CMTR2: variants seen among roughly 807,000 people sequenced by gnomAD.
CMTR2 encodes cap methyltransferase 2.
In CMTR2, 40 loss-of-function variants were observed where a neutral mutation model predicts 49.8. That is an observed-to-expected ratio of 0.80 (90% CI 0.62 to 1.04). CMTR2 has a LOEUF of 1.04. CMTR2 is among the 50% of genes least tolerant of loss of function. The probability of loss-of-function intolerance (pLI) is 0.00; values close to 1 mark genes in which losing one functional copy is unlikely to be tolerated. For missense variants in CMTR2, 907 were observed against 897.2 expected, an observed-to-expected ratio of 1.01 and a Z score of -0.14; for synonymous variants, 326 against 315.8, an observed-to-expected ratio of 1.03 and a Z score of -0.34.
rs1339377645 is a variant in CMTR2, at chr16:71,285,235, AC to A, written c.685del (p.Val229PhefsTer22). The A allele has an allele frequency of 6.2e-7, 1 of 1,613,706 alleles. No individual in the cohort carries two copies. Among genetic ancestry groups the A allele is most frequent in the African/African-American group, 1.3e-5 (1 of 74,916 alleles). On this transcript the variant is annotated frameshift_variant, in exon 3 of 3. Transcript: ENST00000434935. LOFTEE classifies it high-confidence loss of function. ...ACTCCCATCTGCAGTGACCAAGTGA[AC>A]AGTAGCCATGCTGCTTATGAAATTC... ...LQNFISSMAT[V>X]HLVTADGSFD...
chr16:71,287,634 C>G (rs935811753), intron 2 of CMTR2: 1 of 152,222 alleles, frequency 6.6e-6, no homozygotes, highest in African/African-American at 2.4e-5. Flanking sequence ...GGGTCTTGCT[C>G]TGTTGCCCAG....
Position 71,284,862 on chromosome 16 carries a change from A to G in CMTR2, c.1059T>C (p.Pro353=), listed in dbSNP as rs752273251. ...RKALFPHHVI[P]DSFLKRHEEC... is the part of the protein sequence containing the mutation. Reference sequence around the variant, plus strand: ...CTTCATGTCTCTTAAGAAAAGAATCAGGAATCACATGATGGGGAAAAAGGG... The same window carrying G: ...CTTCATGTCTCTTAAGAAAAGAATCGGGAATCACATGATGGGGAAAAAGGG... The change falls in exon 3 of 3, where the codon CCT becomes CCC. Residue 353 remains proline, a synonymous_variant. Transcript: ENST00000434935. 3.7e-6 allele frequency: 6 copies of G among 1,613,864 alleles called. No homozygotes were observed. The African/African-American group carries it at 6.7e-5, about 18-fold the overall frequency.
At position 71,281,667 on chromosome 16, in the gene CMTR2, A is replaced by G. The variant is rs1382883209; in HGVS notation, c.*1941T>C. On this transcript the variant is annotated 3_prime_UTR_variant, in exon 3 of 3. Coordinates refer to ENST00000434935, the MANE Select transcript of CMTR2 (RefSeq NM_018348.6). ...TAACCTCTAAAGCAATTTGAATCCA[A>G]TGAATCAGATGAGCAATTGATTCCA... 1 of 151,976 alleles carries G rather than the reference A, an allele frequency of 6.6e-6. No individual in the cohort carries two copies. Among genetic ancestry groups the G allele is most frequent in the African/African-American group, 2.4e-5 (1 of 41,436 alleles). The allele number at this position is 151,976 out of a possible 1,614,324, so 9.4% of individuals were successfully genotyped here. A position where few individuals can be genotyped will look rare whatever the true frequency, so the allele number is the denominator to read the frequency against.
rs2041697290 is a variant in CMTR2 at position 71,285,183 on chromosome 16, T to C, written c.738A>G (p.Glu246=). 6.2e-7 allele frequency: 1 copy of C among 1,613,964 alleles called. No individual in the cohort carries two copies. Among genetic ancestry groups the C allele is most frequent in the Admixed American group, 1.7e-5 (1 of 60,008 alleles). The change falls in exon 3 of 3, where the codon GAA becomes GAG. Residue 246 remains glutamate (E), a synonymous_variant. Transcript: ENST00000434935. ...GSFDCQGNPG[E]QEALVSSLHY... is the part of the protein sequence containing the mutation. ...GCAAAGAAGAAACTAAAGCTTCTTG[T>C]TCACCTGGGTTTCCTTGGCAATCAA...
Position 71,283,818 on chromosome 16 carries a change from A to G in CMTR2, c.2103T>C (p.Tyr701=), listed in dbSNP as rs142245314. The G allele has an allele frequency of 6.8e-5, 110 of 1,613,962 alleles. No homozygotes were observed. The highest frequency in any genetic ancestry group is 1.7e-6 in the Non-Finnish European group (2 of 1,179,944). ...YQDLPNPVFR[Y]LQSVNELLST... ...TCAACAATTCATTCACACTCTGCAA[A>G]TATCGGAAAACTGGATTTGGAAGGT... The change falls in exon 3 of 3, where the codon TAT becomes TAC. Residue 701 remains tyrosine, a synonymous_variant. Transcript: ENST00000434935.
chr16:71,285,263 G>T lies in CMTR2; in HGVS notation c.658C>A (p.Gln220Lys), dbSNP rs1316352410. 1 of 1,613,898 alleles carries T rather than the reference G, an allele frequency of 6.2e-7. No homozygotes were observed. The highest frequency in any genetic ancestry group is 2.2e-5 in the East Asian group (1 of 44,890). The change falls in exon 3 of 3, where the codon CAG becomes AAG. Residue 220 changes from glutamine (Q) to lysine (K), a missense_variant. By Grantham distance (53) the Gln-to-Lys change is moderately conservative. Transcript: ENST00000434935. ...IMTLKFLTGL[Q>K]NFISSMATVH... ...GTAGCCATGCTGCTTATGAAATTCTGAAGTCCAGTCAAGAATTTCAGGGTC... is the reference window on the plus strand; with the variant it reads ...GTAGCCATGCTGCTTATGAAATTCTTAAGTCCAGTCAAGAATTTCAGGGTC...
rs1252804384 is a variant in CMTR2 at position 71,285,870 on chromosome 16, T to A, written c.51A>T (p.Ser17=). 2 of 1,612,976 alleles carry A rather than the reference T, an allele frequency of 1.2e-6. No individual in the cohort carries two copies. The highest frequency in any genetic ancestry group is 2.2e-5 in the South Asian group (2 of 90,714). ...TPVQQLASPA[S]FSPDILADIF... ...TGTCAGCAAGAATATCTGGGCTGAA[T>A]GACGCGGGACTTGCTAGCTGCTGAA... Residue 17 remains serine, a synonymous_variant, in exon 3 of 3, where the codon TCA becomes TCT. Coordinates refer to ENST00000434935, the MANE Select transcript of CMTR2 (RefSeq NM_018348.6).
rs3096381 is a variant in CMTR2 at position 71,284,098 on chromosome 16, G to T, written c.1823C>A (p.Thr608Lys). ...EVRLLESAEL[T>K]TFSCSLLHDG... ...ATGAAGCAATGAACAGCTAAAAGTTGTGAGTTCAGCTGATTCTAGGAGTCG... is the reference window on the plus strand; with the variant it reads ...ATGAAGCAATGAACAGCTAAAAGTTTTGAGTTCAGCTGATTCTAGGAGTCG... Residue 608 changes from threonine to lysine, a missense_variant, in exon 3 of 3, where the codon ACA (threonine) becomes AAA (lysine). Transcript: ENST00000434935. 260,285 of 1,613,674 alleles carry T rather than the reference G, an allele frequency of 0.16. 22,495 individuals are homozygous for T. The highest frequency in any genetic ancestry group is 0.2 in the Middle Eastern group (1,229 of 6,060).
At chr16:71,287,458 C>T (rs1339704457) in intron 2 of CMTR2, 1 of 152,142 alleles carries the variant, frequency 6.6e-6, no homozygotes, top group African/African-American at 2.4e-5. Context: ...GAGACAGGGT[C>T]TCACTCTGCT....
chr16:71,288,402 T>A (rs66561786), intron 2 of CMTR2: 20,782 of 152,260 alleles, frequency 0.14, 1,632 homozygotes, highest in East Asian at 0.36. Flanking sequence ...TCTTTTTGTT[T>A]ACTGTTTATT....
In CMTR2 at chr16:71,282,179, T is replaced by G. The variant is rs1351180050; in HGVS notation, c.*1429A>C. 6.6e-6 allele frequency: 1 copy of G among 152,040 alleles called. No homozygotes were observed. The highest frequency in any genetic ancestry group is 2.1e-4 in the South Asian group (1 of 4,832). 9.4% of individuals were successfully genotyped at this position (152,040 alleles called of 1,614,324 possible). A position where few individuals can be genotyped will look rare whatever the true frequency, so the allele number is the denominator to read the frequency against. On this transcript the variant is annotated 3_prime_UTR_variant, in exon 3 of 3. Transcript: ENST00000434935. ...ATATTAAGGACTAAATTTTAATGAA[T>G]GCAAATCAGAGAAAATGAAAGAACA...
chr16:71,283,974 A>C lies in CMTR2; in HGVS notation c.1947T>G (p.Ser649=), dbSNP rs914688615. Residue 649 remains serine, a synonymous_variant, in exon 3 of 3, where the codon TCT becomes TCG. Coordinates refer to ENST00000434935, the MANE Select transcript of CMTR2 (RefSeq NM_018348.6). ...TGDVMILPVL[S]CFTRFMAGLI... is the part of the protein sequence containing the mutation. ...AACCAGCCATAAATCTTGTGAAGCA[A>C]GAAAGTACAGGCAAAATCATAACAT... 6.2e-7 allele frequency: 1 copy of C among 1,613,980 alleles called. No individual in the cohort carries two copies. The highest frequency in any genetic ancestry group is 8.5e-7 in the Non-Finnish European group (1 of 1,179,942).
chr16:71,284,628 T>C lies in CMTR2; in HGVS notation c.1293A>G (p.Thr431=), dbSNP rs1460103338. Residue 431 remains threonine (T), a synonymous_variant, in exon 3 of 3, where the codon ACA becomes ACG. Coordinates refer to ENST00000434935, the MANE Select transcript of CMTR2 (RefSeq NM_018348.6). The part of the protein sequence containing the change: ...KKSSIGCSTN[T]KWFGQRNKYF... ...ATTTGTTCCTCTGCCCAAACCATTT[T>C]GTATTTGTACTACAACCAATACTAG... The C allele has an allele frequency of 1.9e-6, 3 of 1,613,082 alleles. No homozygotes were observed. In the South Asian group the frequency reaches 3.3e-5, roughly 18 times the overall value.
chr16:71,288,608 T>C (rs1199898195), intron 2 of CMTR2: 2 of 149,896 alleles, frequency 1.3e-5, no homozygotes, highest in African/African-American at 4.9e-5. Context: ...TCATTAATAG[T>C]GCACCTCAAC....
At position 71,281,808 on chromosome 16, in the gene CMTR2, C is replaced by G. The variant is rs1363098995; in HGVS notation, c.*1800G>C. On this transcript the variant is annotated 3_prime_UTR_variant, in exon 3 of 3. Transcript: ENST00000434935. ...AATACTTATTTGAAGGGCTTAAAGA[C>G]AGTAATAATGCTAGAATCTGGACCC... 1 of 152,000 alleles carries G rather than the reference C, an allele frequency of 6.6e-6. No individual in the cohort carries two copies. Among genetic ancestry groups the G allele is most frequent in the East Asian group, 1.9e-4 (1 of 5,198 alleles). 9.4% of individuals were successfully genotyped at this position (152,000 alleles called of 1,614,324 possible).
rs1226516596 is a variant in CMTR2 at position 71,285,551 on chromosome 16, T to C, written c.370A>G (p.Ser124Gly). 1.9e-6 allele frequency: 3 copies of C among 1,613,922 alleles called. No individual in the cohort carries two copies. The highest frequency in any genetic ancestry group is 2.5e-6 in the Non-Finnish European group (3 of 1,179,978). Residue 124 changes from serine (S) to glycine (G), a missense_variant, in exon 3 of 3, where the codon AGC becomes GGC. Ser to Gly is a moderately conservative substitution (Grantham distance 56). Transcript: ENST00000434935. The stretch of plus-strand genomic sequence containing the variant: ...GCTTCCTGTGGAATAAGTGGAAAGC[T>C]GCACAAAATCTCATGGAACTTACAC... ...AWCKFHEILC[S>G]FPLIPQEAFQ...
At position 71,284,939 on chromosome 16, in the gene CMTR2, G is replaced by A. The variant is rs1444514580; in HGVS notation, c.982C>T (p.Pro328Ser). ...TTCAAGGTCATCTTAGATAACAGAG[G>A]ATGGATGGCCTCTCTCCCCTTATAG... ...LHYKGREAIHPLLSKMTLNFG... is the reference protein window; with the variant it reads ...LHYKGREAIHSLLSKMTLNFG... The change falls in exon 3 of 3, where the codon CCT becomes TCT. Residue 328 changes from proline (P) to serine (S), a missense_variant. Physicochemically the swap from Pro to Ser is moderately conservative, Grantham distance 74 (BLOSUM62 -1). Coordinates refer to ENST00000434935, the MANE Select transcript of CMTR2 (RefSeq NM_018348.6). 2.5e-6 allele frequency: 4 copies of A among 1,613,986 alleles called. No homozygotes were observed. Among genetic ancestry groups the A allele is most frequent in the African/African-American group, 2.7e-5 (2 of 74,912 alleles).
chr16:71,289,587 C>G (rs1183355043), upstream of CMTR2: 2 of 140,972 alleles, frequency 1.4e-5, no homozygotes, highest in South Asian at 2.4e-4. Flanking sequence ...CGCGCGCAGG[C>G]GGAGCATTCT....
chr16:71,285,817 GA>G lies in CMTR2; in HGVS notation c.103del (p.Ser35LeufsTer32). ...DIFELFAKNF[S>X]YGKPLNNEWQ... is the part of the protein sequence containing the mutation. ...CTCATTATTAAGTGGCTTGCCATAA[GA>G]AAAGTTCTTGGCAAAGAGTTCAAAA... On this transcript the variant is annotated frameshift_variant, in exon 3 of 3. Coordinates refer to ENST00000434935, the MANE Select transcript of CMTR2 (RefSeq NM_018348.6). LOFTEE classifies it high-confidence loss of function. 6.2e-7 allele frequency: 1 copy of G among 1,614,088 alleles called. No individual in the cohort carries two copies. The highest frequency in any genetic ancestry group is 1.3e-5 in the African/African-American group (1 of 75,040).
Sources: allele counts gnomAD v4.1 joint callset, GRCh38; gene constraint gnomAD v4.1.1; transcripts MANE v1.5; gene names NCBI Gene and HGNC (gene_info 2026-07-23, HGNC 2026-07-21).